DESI2: variants seen among roughly 807,000 people sequenced by gnomAD.
DESI2 encodes deubiquitinase DESI2.
A neutral mutation model predicts 24.1 loss-of-function variants in DESI2; 10 were observed. The observed-to-expected ratio is 0.41, with a 90% CI of 0.26 to 0.70. The LOEUF is 0.70. Ranked by LOEUF, DESI2 falls within the 30% of genes least tolerant of loss-of-function variation. The pLI is 0.29. For missense variants in DESI2, 122 were observed against 234.9 expected (o/e 0.52, Z 3.14); for synonymous variants, 71 against 87.7 (o/e 0.81, Z 1.06).
Position 244,653,154 on chromosome 1 carries a change from C to G in DESI2, c.-160C>G, listed in dbSNP as rs1416119906. The stretch of plus-strand genomic sequence containing the variant: ...CGCTCCTGTCGGCGGCGCCCGGGAG[C>G]GGCTCGGCTGCCCGATGCTTCCGCC... On this transcript the variant is annotated 5_prime_UTR_variant, in exon 1 of 5. Coordinates refer to ENST00000302550, the MANE Select transcript of DESI2 (RefSeq NM_016076.5). 3 of 643,482 alleles carry G rather than the reference C, an allele frequency of 4.7e-6. No homozygotes were observed. Among genetic ancestry groups the G allele is most frequent in the Non-Finnish European group, 6.8e-6 (3 of 441,794 alleles). The allele number at this position is 643,482 out of a possible 1,614,324, so 39.9% of individuals were successfully genotyped here.
At chr1:244,656,261 C>T (rs897374007) in intron 1 of DESI2, 3 of 152,112 alleles carry the variant, frequency 2.0e-5, no homozygotes, top group African/African-American at 7.2e-5. Context: ...GATTGTCACC[C>T]GTTCCAGTTC....
intron 4 of DESI2, among the ~76,000 whole-genome samples, chr1:244,695,860 G>A (rs1284566469): frequency 6.6e-6 from 1 of 152,080 alleles, no homozygotes. Flanking sequence ...ATTGCAGCTG[G>A]GAACTCAGGC....
At chr1:244,698,772 G>T (rs1222497337) in intron 4 of DESI2, among the ~76,000 whole-genome samples, 1 of 152,200 alleles carries the variant, frequency 6.6e-6, no homozygotes, top group African/African-American at 2.4e-5. Context: ...ATAAAAAATG[G>T]ATGTTGATGG....
intron 1 of DESI2, among the ~76,000 whole-genome samples, chr1:244,670,469 A>G (rs1278669055): frequency 6.6e-6 from 1 of 152,346 alleles, no homozygotes; most frequent in Non-Finnish European, 1.5e-5. Context: ...TGAGGGAAGG[A>G]TCTTATTGCC....
intron 4 of DESI2, among the ~76,000 whole-genome samples, chr1:244,696,497 G>C (rs1352016332): frequency 6.6e-6 from 1 of 152,168 alleles, no homozygotes. Context: ...GTGTGTGCCT[G>C]TAGTCCCAGC....
chr1:244,702,777 G>A (rs1299624335), intron 4 of DESI2, among the ~76,000 whole-genome samples: 1 of 152,208 alleles, frequency 6.6e-6, no homozygotes, highest in Non-Finnish European at 1.5e-5. Context: ...TTGGAATGAA[G>A]TCAGCTTCAC....
rs1463105686 is a variant in DESI2 at position 244,689,761 on chromosome 1, C to T, written c.209+419C>T. Reference sequence around the variant, plus strand: ...CTGACCTCAGGTGATCCACCTGCCTCGGCCTCCCAAAGTGCTGGGATTACA... The same window carrying T: ...CTGACCTCAGGTGATCCACCTGCCTTGGCCTCCCAAAGTGCTGGGATTACA... On this transcript the variant is annotated intron_variant, in intron 3 of 4. Transcript: ENST00000302550. The surrounding 1 kb of genome is among the most constrained non-coding windows in gnomAD (Gnocchi z 4.0). Among the ~76,000 whole-genome samples the T allele has an allele frequency of 6.6e-6, 1 of 152,150 alleles. No individual in the cohort carries two copies. Among genetic ancestry groups the T allele is most frequent in the Non-Finnish European group, 1.5e-5 (1 of 68,022 alleles).
At chr1:244,678,041 C>T (rs1220976501) in intron 1 of DESI2, among the ~76,000 whole-genome samples, 3 of 152,266 alleles carry the variant, frequency 2.0e-5, no homozygotes, top group Non-Finnish European at 2.9e-5. Context: ...AACTTGTGGG[C>T]TTTGTATAAT....
Position 244,653,269 on chromosome 1 carries a change from G to A in DESI2, c.-45G>A, listed in dbSNP as rs766989318. 1.4e-6 allele frequency: 2 copies of A among 1,469,834 alleles called. No homozygotes were observed. Among genetic ancestry groups the A allele is most frequent in the East Asian group, 2.8e-5 (1 of 36,286 alleles). The allele number at this position is 1,469,834 out of a possible 1,614,324, so 91.0% of individuals were successfully genotyped here. A position where few individuals can be genotyped will look rare whatever the true frequency, so the allele number is the denominator to read the frequency against. On this transcript the variant is annotated 5_prime_UTR_variant, in exon 1 of 5. Coordinates refer to ENST00000302550, the MANE Select transcript of DESI2 (RefSeq NM_016076.5). ...GGTGAGAGCGGCCTCCGGCCCCGCG[G>A]AGACGGAGCGGCTTGAGGACGAGGC...
At chr1:244,692,194 A>G (rs1677052822) in intron 4 of DESI2, among the ~76,000 whole-genome samples, 174 bp downstream of exon 4, 1 of 152,132 alleles carries the variant, frequency 6.6e-6, no homozygotes, top group African/African-American at 2.4e-5. Context: ...TGGTAACTTG[A>G]GAGTCCGCAG....
chr1:244,680,869 G>A (rs1676585612), intron 1 of DESI2, among the ~76,000 whole-genome samples: 1 of 151,632 alleles, frequency 6.6e-6, no homozygotes, highest in African/African-American at 2.4e-5. Context: ...CAACAAAATG[G>A]TGATTGCCTA....
intron 1 of DESI2, among the ~76,000 whole-genome samples, chr1:244,674,073 C>T (rs1359992735): frequency 7.0e-6 from 1 of 143,418 alleles, no homozygotes; most frequent in Non-Finnish European, 1.5e-5. Flanking sequence ...CGGCTCATTA[C>T]AACCTCCGCC....
intron 1 of DESI2, among the ~76,000 whole-genome samples, chr1:244,672,000 A>G (rs1676263638): frequency 6.6e-6 from 1 of 152,196 alleles, no homozygotes; most frequent in Admixed American, 6.5e-5. Context: ...ACCAAGTTAC[A>G]TGATTTGGAT....
At chr1:244,665,868 C>T (rs1385488921) in intron 1 of DESI2, among the ~76,000 whole-genome samples, 1 of 152,204 alleles carries the variant, frequency 6.6e-6, no homozygotes, top group Non-Finnish European at 1.5e-5. Flanking sequence ...CTTCTTTGCT[C>T]CCCTCTTCAT....
intron 4 of DESI2, among the ~76,000 whole-genome samples, chr1:244,702,233 G>A (rs1677493422): frequency 6.6e-6 from 1 of 152,198 alleles, no homozygotes; most frequent in African/African-American, 2.4e-5. Flanking sequence ...CATTGGCTTG[G>A]CTGGGCACGG....
At chr1:244,687,974 G>GAAGA (rs1358517474) in intron 2 of DESI2, among the ~76,000 whole-genome samples, 5 of 152,182 alleles carry the variant, frequency 3.3e-5, no homozygotes, top group Admixed American at 2.6e-4. Context: ...TTTTTCAGCT[G>GAAGA]AAGAAACTGA....
At chr1:244,664,515 G>A (rs756864890) in intron 1 of DESI2, among the ~76,000 whole-genome samples, 25 of 152,248 alleles carry the variant, frequency 1.6e-4, no homozygotes, top group Non-Finnish European at 2.8e-4. Context: ...AGAGGCTGAG[G>A]TGGGTGGTAG....
intron 1 of DESI2, among the ~76,000 whole-genome samples, chr1:244,659,908 GTAACT>G (rs1242408222): frequency 6.6e-6 from 1 of 152,138 alleles, no homozygotes; most frequent in African/African-American, 2.4e-5. Flanking sequence ...TATTGACCTA[GTAACT>G]TAAGCTGGAA....
intron 1 of DESI2, among the ~76,000 whole-genome samples, chr1:244,659,189 AG>A (rs940581899): frequency 3.8e-4 from 54 of 141,534 alleles, no homozygotes; most frequent in Non-Finnish European, 5.3e-4. Flanking sequence ...TTTCTTTTTT[AG>A]GGGGGAAGGG....
Sources: allele counts gnomAD v4.1 joint callset (sites outside exome capture counted in the v4.1 genomes callset), GRCh38; gene constraint gnomAD v4.1.1; non-coding constraint Gnocchi (gnomAD v3.1); transcripts MANE v1.5; gene names NCBI Gene and HGNC (gene_info 2026-07-23, HGNC 2026-07-21).